The following ACTR10 variants were observed in gnomAD, a reference collection of about 807,000 sequenced individuals.
ACTR10 encodes the protein actin related protein 10, also known as actin-related protein 10.
Under a neutral mutation model 56.2 loss-of-function variants are expected in ACTR10, and 43 were observed. The observed-to-expected ratio is 0.77, with a 90% CI of 0.60 to 0.99. The LOEUF is 0.99. ACTR10 is among the 50% of genes least tolerant of loss of function. The pLI, the probability that ACTR10 is intolerant of heterozygous loss-of-function variation, is 0.00. For missense variants in ACTR10, 466 were observed against 507.8 expected (o/e 0.92, Z 0.79); for synonymous variants, 170 against 176.3 (o/e 0.96, Z 0.28).
At chr14:58,226,002 G>A (rs1447326801) in intron 10 of ACTR10, among the ~76,000 whole-genome samples, 2 of 151,910 alleles carry the variant, frequency 1.3e-5, no homozygotes, top group African/African-American at 2.4e-5. Context: ...GTGAGCCACC[G>A]TGCCTGACTG....
In ACTR10 at chr14:58,208,033, G is replaced by T; in HGVS notation, c.233+15G>T. ...CTATATTTCAGGTAAGATACATTTT[G>T]TTTTCTAGCTTTTATGATTAGATAG... On this transcript the variant is annotated intron_variant, in intron 3 of 12. Coordinates refer to ENST00000254286, the MANE Select transcript of ACTR10 (RefSeq NM_018477.3). The T allele has an allele frequency of 1.4e-6, 2 of 1,478,418 alleles. No individual in the cohort carries two copies. Among genetic ancestry groups the T allele is most frequent in the South Asian group, 2.7e-5 (2 of 74,056 alleles). The allele number at this position is 1,478,418 out of a possible 1,614,324, so 91.6% of individuals were successfully genotyped here.
At chr14:58,228,638 A>G (rs1889457027) in intron 10 of ACTR10, among the ~76,000 whole-genome samples, 1 of 138,572 alleles carries the variant, frequency 7.2e-6, no homozygotes, top group African/African-American at 2.7e-5. Context: ...TTTTGCCTAC[A>G]TCTCATTGAC....
chr14:58,201,401 AAGAC>A (rs1555348901), intron 1 of ACTR10, among the ~76,000 whole-genome samples: 1 of 152,226 alleles, frequency 6.6e-6, no homozygotes, highest in Non-Finnish European at 1.5e-5. Flanking sequence ...ATATTTGAAA[AAGAC>A]AGCAGGAGGA....
At chr14:58,225,994 G>A (rs1188664894) in intron 10 of ACTR10, among the ~76,000 whole-genome samples, 1 of 152,144 alleles carries the variant, frequency 6.6e-6, no homozygotes, top group Non-Finnish European at 1.5e-5. Flanking sequence ...TTACAGGCGT[G>A]AGCCACCGTG....
chr14:58,213,012 G>C (rs1426855175), intron 5 of ACTR10: 5 of 152,402 alleles, frequency 3.3e-5, no homozygotes, highest in Admixed American at 3.3e-4. Flanking sequence ...CAGCTGCTTG[G>C]GAGGCTGAGG....
At chr14:58,215,165 C>T (rs1409222028) in intron 6 of ACTR10, 40 bp from the exon 7 acceptor site, 2 of 1,261,742 alleles carry the variant, frequency 1.6e-6, no homozygotes, top group Non-Finnish European at 1.1e-6. Flanking sequence ...ATATCAGTTT[C>T]AATATTTTCA....
rs775083728 is a variant in ACTR10 at position 58,213,648 on chromosome 14, A to G, written c.468A>G (p.Pro156=). Residue 156 remains proline (P), a synonymous_variant, in exon 6 of 13, where the codon CCA becomes CCG. Coordinates refer to ENST00000254286, the MANE Select transcript of ACTR10 (RefSeq NM_018477.3). ...CTCTATAGATATATGAAGGAATCCC[A>G]GTTCTAAATTGTTGGGGAGCACTAC... ...SLVLPIYEGI[P]VLNCWGALPL... 3.4e-5 allele frequency: 54 copies of G among 1,611,736 alleles called. No individual in the cohort carries two copies. The highest frequency in any genetic ancestry group is 2.3e-4 in the Admixed American group (14 of 59,852).
At chr14:58,212,106 G>A (rs951214051) in intron 5 of ACTR10, among the ~76,000 whole-genome samples, 6 of 152,072 alleles carry the variant, frequency 3.9e-5, no homozygotes, top group African/African-American at 1.4e-4. Context: ...TACTTGGTCA[G>A]GTAGCTTAAT....
intron 10 of ACTR10, among the ~76,000 whole-genome samples, chr14:58,224,074 C>T (rs1889344399): frequency 6.6e-6 from 1 of 151,988 alleles, no homozygotes; most frequent in African/African-American, 2.4e-5. Flanking sequence ...GATCTCGGCT[C>T]ACTGTAACCT....
At chr14:58,213,786 G>C (rs750683194) in intron 6 of ACTR10, 88 bp downstream of exon 6, 6 of 957,962 alleles carry the variant, frequency 6.3e-6, no homozygotes, top group African/African-American at 1.7e-5. Flanking sequence ...TCAATAGAGG[G>C]CTTGTGATAC....
chr14:58,227,230 G>A (rs1023026095), intron 10 of ACTR10, among the ~76,000 whole-genome samples: 3 of 151,076 alleles, frequency 2.0e-5, no homozygotes, highest in African/African-American at 7.3e-5. Context: ...ATCAGTCTTG[G>A]TACAGAATCC....
chr14:58,200,305 G>A lies in ACTR10; in HGVS notation c.77+11G>A, dbSNP rs1888674599. 1.3e-6 allele frequency: 2 copies of A among 1,498,268 alleles called. No individual in the cohort carries two copies. Among genetic ancestry groups the A allele is most frequent in the African/African-American group, 1.5e-5 (1 of 68,706 alleles). 92.8% of individuals were successfully genotyped at this position (1,498,268 alleles called of 1,614,324 possible). A position where few individuals can be genotyped will look rare whatever the true frequency, so the allele number is the denominator to read the frequency against. On this transcript the variant is annotated intron_variant, in intron 1 of 12. Coordinates refer to ENST00000254286, the MANE Select transcript of ACTR10 (RefSeq NM_018477.3). The stretch of plus-strand genomic sequence containing the variant: ...AGAGGCCTTTACCAAGTGAGTGGCC[G>A]TGACGCCAGCTGTGTTCGACCCGAG...
intron 4 of ACTR10, chr14:58,211,050 T>C (rs905800019): frequency 2.9e-6 from 1 of 344,274 alleles, no homozygotes; most frequent in African/African-American, 2.2e-5. Flanking sequence ...GCTTCATAAT[T>C]GTCATTTTGG....
At chr14:58,223,390 G>T (rs1465424406) in intron 8 of ACTR10, 4 of 434,564 alleles carry the variant, frequency 9.2e-6, no homozygotes, top group Non-Finnish European at 1.6e-5. Flanking sequence ...CGCCTGCCTC[G>T]GCCTCCCAAA....
intron 3 of ACTR10, 117 bp downstream of exon 3, chr14:58,208,135 A>G (rs1332836320): frequency 3.4e-6 from 3 of 871,708 alleles, no homozygotes; most frequent in Non-Finnish European, 3.3e-6. Flanking sequence ...TTCTATTGCC[A>G]TTTTTACATG....
At chr14:58,215,011 C>G (rs1889098686) in intron 6 of ACTR10, among the ~76,000 whole-genome samples, 194 bp from the exon 7 acceptor site, 1 of 151,666 alleles carries the variant, frequency 6.6e-6, no homozygotes, top group Non-Finnish European at 1.5e-5. Context: ...GAGGCTGAGG[C>G]AGGAGAATCA....
intron 7 of ACTR10, among the ~76,000 whole-genome samples, chr14:58,218,925 C>G (rs906836888): frequency 2.6e-5 from 4 of 152,090 alleles, no homozygotes; most frequent in Admixed American, 6.6e-5. Flanking sequence ...CGAGTTCAAG[C>G]GATTCTCCTG....
At position 58,200,296 on chromosome 14, in the gene ACTR10, T is replaced by C; in HGVS notation, c.77+2T>C. Reference sequence around the variant, plus strand: ...CGACCTGGGAGAGGCCTTTACCAAGTGAGTGGCCGTGACGCCAGCTGTGTT... The same window carrying C: ...CGACCTGGGAGAGGCCTTTACCAAGCGAGTGGCCGTGACGCCAGCTGTGTT... On this transcript the variant is annotated splice_donor_variant, in intron 1 of 12. Transcript: ENST00000254286. LOFTEE classifies it high-confidence loss of function. 1 of 1,500,956 alleles carries C rather than the reference T, an allele frequency of 6.7e-7. No homozygotes were observed. Among genetic ancestry groups the C allele is most frequent in the East Asian group, 2.7e-5 (1 of 36,846 alleles). The allele number at this position is 1,500,956 out of a possible 1,614,324, so 93.0% of individuals were successfully genotyped here.
chr14:58,231,659 G>A (rs1408239710), intron 11 of ACTR10, among the ~76,000 whole-genome samples: 1 of 152,090 alleles, frequency 6.6e-6, no homozygotes, highest in African/African-American at 2.4e-5. Flanking sequence ...AACTGGCACT[G>A]TGAATACACC....
Sources: allele counts gnomAD v4.1 joint callset (sites outside exome capture counted in the v4.1 genomes callset), GRCh38; gene constraint gnomAD v4.1.1; transcripts MANE v1.5; gene names NCBI Gene and HGNC (gene_info 2026-07-23, HGNC 2026-07-21).